Variants in PPM1E observed in about 807,000 individuals in gnomAD.
PPM1E encodes the protein protein phosphatase 1E.
PPM1E carries 20 observed loss-of-function variants against 65.9 expected under a neutral mutation model. That is an observed-to-expected ratio of 0.30 (90% CI 0.21 to 0.44). The LOEUF is 0.44. Ranked by LOEUF, PPM1E falls within the 20% of genes least tolerant of loss-of-function variation. PPM1E has a pLI of 1.00. For synonymous variants in PPM1E, 352 were observed against 374.9 expected (o/e 0.94, Z 0.70); for missense variants, 713 against 953.1 (o/e 0.75, Z 3.32).
At position 58,756,182 on chromosome 17, in the gene PPM1E, C is replaced by T. The variant is rs2049760642; in HGVS notation, c.185C>T (p.Ser62Leu). 2.5e-6 allele frequency: 4 copies of T among 1,569,476 alleles called. No individual in the cohort carries two copies. The highest frequency in any genetic ancestry group is 3.5e-6 in the Non-Finnish European group (4 of 1,157,090). ...GTAGAAGCTGAGGCGGCCGAGGCTT[C>T]GGTAGAGGAACCCGGGGAGGAGGCG... Reference protein sequence around the residue: ...ELVEAEAAEASVEEPGEEAAT... With the variant: ...ELVEAEAAEALVEEPGEEAAT... The change falls in exon 1 of 7, where the codon TCG (serine) becomes TTG (leucine). Residue 62 changes from serine to leucine, a missense_variant. Ser to Leu is a moderately radical substitution (Grantham distance 145, BLOSUM62 -2). Transcript: ENST00000308249.
chr17:58,799,869 C>T (rs2050242764), intron 1 of PPM1E, among the ~76,000 whole-genome samples: 1 of 152,202 alleles, frequency 6.6e-6, no homozygotes, highest in African/African-American at 2.4e-5. Flanking sequence ...TGTGAGCTAC[C>T]ATGCCTGGCC....
At position 58,887,754 on chromosome 17, in the gene PPM1E, G is replaced by A. The variant is rs151117746; in HGVS notation, c.465-67895G>A. Reference sequence around the variant, plus strand: ...ATTTTTCCCTGAGTGAGATGGGAAGGCTGAGCAGAGGAAGGACATGATCTG... The same window carrying A: ...ATTTTTCCCTGAGTGAGATGGGAAGACTGAGCAGAGGAAGGACATGATCTG... On this transcript the variant is annotated intron_variant, in intron 1 of 6. Transcript: ENST00000308249. 8.5e-5 allele frequency among the ~76,000 whole-genome samples: 13 copies of A among 152,348 alleles called. No individual in the cohort carries two copies. The East Asian group carries it at 9.6e-4, about 11-fold the overall frequency.
chr17:58,857,027 G>T (rs1010671439), intron 1 of PPM1E, among the ~76,000 whole-genome samples: 1 of 152,010 alleles, frequency 6.6e-6, no homozygotes, highest in African/African-American at 2.4e-5. Context: ...TCTTTACTCA[G>T]TTTAACCTAT....
At chr17:58,806,513 A>G (rs900899259) in intron 1 of PPM1E, among the ~76,000 whole-genome samples, 2 of 151,740 alleles carry the variant, frequency 1.3e-5, no homozygotes, top group African/African-American at 4.8e-5. Flanking sequence ...TGATAGTTCT[A>G]CCTTTACTAA....
chr17:58,956,394 C>G (rs191717507), intron 2 of PPM1E, among the ~76,000 whole-genome samples: 1 of 151,682 alleles, frequency 6.6e-6, no homozygotes, highest in African/African-American at 2.4e-5. Context: ...CGAGATCACG[C>G]CACTGCACTC....
chr17:58,911,784 G>A lies in PPM1E; in HGVS notation c.465-43865G>A, dbSNP rs548502093. 3.9e-5 allele frequency among the ~76,000 whole-genome samples: 6 copies of A among 152,264 alleles called. No homozygotes were observed. In the South Asian group the frequency reaches 1.2e-3, roughly 32 times the overall value. ...ATTATTGATTGAGTCCTTGTGGAGG[G>A]CAAGAGTGAGATAGACATTCATTCA... On this transcript the variant is annotated intron_variant, in intron 1 of 6. Transcript: ENST00000308249.
At chr17:58,967,890 G>A (rs1450218180) in intron 3 of PPM1E, among the ~76,000 whole-genome samples, 1 of 150,758 alleles carries the variant, frequency 6.6e-6, no homozygotes, top group Admixed American at 6.7e-5. Context: ...TGCAACCTCC[G>A]CTTCCCGGGT....
At chr17:58,945,248 G>A (rs969632801) in intron 1 of PPM1E, among the ~76,000 whole-genome samples, 1 of 151,582 alleles carries the variant, frequency 6.6e-6, no homozygotes, top group Non-Finnish European at 1.5e-5. Context: ...GGGTTCAAGC[G>A]ATTCTCCTGC....
intron 1 of PPM1E, among the ~76,000 whole-genome samples, chr17:58,837,753 C>G (rs2050678097): frequency 6.6e-6 from 1 of 152,122 alleles, no homozygotes; most frequent in Non-Finnish European, 1.5e-5. Flanking sequence ...CCGCCTCGGC[C>G]TCCTGGAATG....
At chr17:58,907,178 G>A (rs563250771) in intron 1 of PPM1E, among the ~76,000 whole-genome samples, 19 of 152,086 alleles carry the variant, frequency 1.2e-4, no homozygotes, top group African/African-American at 4.6e-4. Flanking sequence ...CCCAGGAGGC[G>A]AAGGCTGCAG....
At chr17:58,798,913 C>T (rs1322249064) in intron 1 of PPM1E, among the ~76,000 whole-genome samples, 2 of 151,876 alleles carry the variant, frequency 1.3e-5, no homozygotes, top group African/African-American at 4.8e-5. Flanking sequence ...AGGCTGGTGT[C>T]AAACTTTACT....
intron 1 of PPM1E, among the ~76,000 whole-genome samples, chr17:58,837,515 T>A (rs951549626): frequency 3.3e-5 from 5 of 150,810 alleles, no homozygotes; most frequent in Non-Finnish European, 5.9e-5. Flanking sequence ...TTTTTTTTTT[T>A]AAGACAGAGT....
intron 1 of PPM1E, among the ~76,000 whole-genome samples, chr17:58,822,052 G>A (rs2085836675): frequency 6.6e-6 from 1 of 152,260 alleles, no homozygotes; most frequent in South Asian, 2.1e-4. Context: ...GCTTTAAGTG[G>A]GAGCTGGCAG....
rs570230875 is a variant in PPM1E at position 58,837,499 on chromosome 17, C to CTTT, written c.464+81052_464+81054dup. Among the ~76,000 whole-genome samples the CTTT allele has an allele frequency of 2.2e-3, 293 of 131,278 alleles. 3 individuals are homozygous for CTTT. Among genetic ancestry groups the CTTT allele is most frequent in the African/African-American group, 7.9e-3 (278 of 35,210 alleles). 86.1% of individuals were successfully genotyped at this position (131,278 alleles called of 152,430 possible). ...CAGAAATTCTATTAAAATCATGAGG[C>CTTT]TTTTTTTTTTTTTTTTAAGACAGAG... On this transcript the variant is annotated intron_variant, in intron 1 of 6. Transcript: ENST00000308249.
intron 1 of PPM1E, among the ~76,000 whole-genome samples, chr17:58,945,707 T>A (rs1261550785): frequency 6.6e-6 from 1 of 152,208 alleles, no homozygotes; most frequent in African/African-American, 2.4e-5. Context: ...TTAAATAATT[T>A]GCTATAATGT....
At chr17:58,912,788 C>T (rs371765308) in intron 1 of PPM1E, among the ~76,000 whole-genome samples, 1 of 152,096 alleles carries the variant, frequency 6.6e-6, no homozygotes, top group Non-Finnish European at 1.5e-5. Context: ...TCCTTCAACC[C>T]CTACATCCAG....
At chr17:58,843,198 G>A (rs2050737377) in intron 1 of PPM1E, among the ~76,000 whole-genome samples, 1 of 151,600 alleles carries the variant, frequency 6.6e-6, no homozygotes. Context: ...GAACCTGGGA[G>A]GCAGAGAACC....
intron 1 of PPM1E, among the ~76,000 whole-genome samples, chr17:58,826,083 G>A (rs1461308094): frequency 1.3e-5 from 2 of 151,490 alleles, no homozygotes; most frequent in Non-Finnish European, 2.9e-5. Flanking sequence ...GAGGTCCGAA[G>A]TTCGAGACCA....
intron 1 of PPM1E, among the ~76,000 whole-genome samples, chr17:58,807,578 G>A (rs1460699847): frequency 6.6e-6 from 1 of 152,048 alleles, no homozygotes; most frequent in Non-Finnish European, 1.5e-5. Context: ...AAGCTGTGTA[G>A]TATATGAATG....
Sources: allele counts gnomAD v4.1 joint callset (sites outside exome capture counted in the v4.1 genomes callset), GRCh38; gene constraint gnomAD v4.1.1; transcripts MANE v1.5; gene names NCBI Gene and HGNC (gene_info 2026-07-23, HGNC 2026-07-21).